OTOA: variants seen among roughly 807,000 people sequenced by gnomAD.
The protein encoded by OTOA is cancer/testis antigen 108.
OTOA carries 70 observed loss-of-function variants against 110.8 expected under a neutral mutation model. The observed-to-expected ratio is 0.63, with a 90% CI of 0.52 to 0.77. The LOEUF (loss-of-function observed/expected upper bound fraction) is 0.77. Ranked by LOEUF, OTOA falls within the 30% of genes least tolerant of loss-of-function variation. The probability of loss-of-function intolerance (pLI) is 0.00; values close to 1 mark genes in which losing one functional copy is unlikely to be tolerated. For missense variants in OTOA, 917 were observed against 1,075.8 expected (o/e 0.85, Z 2.06); for synonymous variants, 373 against 431.5 (o/e 0.86, Z 1.68).
chr16:21,714,385 TTCTC>T (rs1226989693), intron 13 of OTOA, among the ~76,000 whole-genome samples: 4 of 119,292 alleles, frequency 3.4e-5, no homozygotes, highest in African/African-American at 8.8e-5. Context: ...CTTTCTCTCT[TTCTC>T]TCTTTCTTTC....
At chr16:21,673,918 C>A (rs1464445314) in intron 1 of OTOA, among the ~76,000 whole-genome samples, 1 of 152,154 alleles carries the variant, frequency 6.6e-6, no homozygotes, top group Non-Finnish European at 1.5e-5. Flanking sequence ...CTGCCTCAGC[C>A]TCCCAAGTAG....
chr16:21,707,593 T>TTTTCTTTCTTTCTTTCTTTC (rs58214995), intron 12 of OTOA, among the ~76,000 whole-genome samples: 28 of 94,110 alleles, frequency 3.0e-4, no homozygotes, highest in East Asian at 2.4e-3. Flanking sequence ...TTCTCCTTCC[T>TTTTCTTTCTTTCTTTCTTTC]TTTCTTTCTT....
At chr16:21,675,919 T>G (rs1966856778) in intron 1 of OTOA, among the ~76,000 whole-genome samples, 1 of 152,198 alleles carries the variant, frequency 6.6e-6, no homozygotes, top group African/African-American at 2.4e-5. Flanking sequence ...CCTGGTAATT[T>G]TTATTTATTT....
intron 1 of OTOA, among the ~76,000 whole-genome samples, chr16:21,666,174 T>G (rs533070521): frequency 1.3e-5 from 2 of 152,088 alleles, no homozygotes; most frequent in African/African-American, 4.8e-5. Flanking sequence ...CACCAAGCAT[T>G]TGTAATCAGG....
intron 23 of OTOA, among the ~76,000 whole-genome samples, chr16:21,743,126 TA>T (rs1416713160): frequency 7.9e-6 from 1 of 126,840 alleles, no homozygotes; most frequent in African/African-American, 2.8e-5. Context: ...ACAATACACA[TA>T]AAAATACAGT....
intron 1 of OTOA, among the ~76,000 whole-genome samples, chr16:21,669,236 G>A (rs953971821): frequency 1.3e-5 from 2 of 151,902 alleles, no homozygotes; most frequent in African/African-American, 4.8e-5. Context: ...CCAGCTACTC[G>A]GGAGGTTGAG....
rs1208308272 is a variant in OTOA at position 21,687,474 on chromosome 16, G to C, written c.461G>C (p.Gly154Ala). The C allele has an allele frequency of 2.5e-6, 4 of 1,614,048 alleles. No individual in the cohort carries two copies. The South Asian group carries it at 4.4e-5, about 18-fold the overall frequency. ...CGAGAACGAGCCTTGCAGAGCCCTG[G>C]CGTGAACCGCAGCCTGTTTCTCATC... ...EIRERALQSPGVNRSLFLITL... is the reference protein window; with the variant it reads ...EIRERALQSPAVNRSLFLITL... Residue 154 changes from glycine to alanine, a missense_variant, in exon 8 of 29, where the codon GGC becomes GCC. Coordinates refer to ENST00000646100, the MANE Select transcript of OTOA (RefSeq NM_144672.4).
intron 10 of OTOA, 147 bp from the exon 11 acceptor site, chr16:21,700,741 A>G (rs1168900657): frequency 2.1e-6 from 2 of 949,140 alleles, no homozygotes; most frequent in East Asian, 2.6e-5. Flanking sequence ...AAAAAAAAAG[A>G]AAAGAAAAAA....
intron 11 of OTOA, among the ~76,000 whole-genome samples, chr16:21,703,837 T>G (rs1898100883): frequency 6.6e-6 from 1 of 152,166 alleles, no homozygotes; most frequent in Non-Finnish European, 1.5e-5. Context: ...CCAGGATGTA[T>G]GCAAATCAGT....
chr16:21,670,504 C>T (rs1051181774), intron 1 of OTOA, among the ~76,000 whole-genome samples: 3 of 152,058 alleles, frequency 2.0e-5, no homozygotes, highest in African/African-American at 7.2e-5. Flanking sequence ...TTCTTTGGCT[C>T]CTTTTTCCTA....
At chr16:21,711,688 C>T (rs976327645) in intron 13 of OTOA, among the ~76,000 whole-genome samples, 2 of 152,060 alleles carry the variant, frequency 1.3e-5, no homozygotes, top group Non-Finnish European at 2.9e-5. Context: ...AGGCTGGTCT[C>T]GAACTCCAGA....
chr16:21,706,099 CAGAAA>C (rs1267476233), intron 12 of OTOA, among the ~76,000 whole-genome samples: 3 of 151,914 alleles, frequency 2.0e-5, no homozygotes, highest in Non-Finnish European at 4.4e-5. Flanking sequence ...AAAAAAAGAA[CAGAAA>C]AGAAAAGAAA....
chr16:21,707,613 C>CTTTCTTTCTTTCTT lies in OTOA; in HGVS notation c.1105-2273_1105-2260dup, dbSNP rs1597827264. 3.5e-5 allele frequency among the ~76,000 whole-genome samples: 3 copies of CTTTCTTTCTTTCTT among 85,740 alleles called. No individual in the cohort carries two copies. The East Asian group carries it at 9.5e-4, about 27-fold the overall frequency. 56.2% of individuals were successfully genotyped at this position (85,740 alleles called of 152,430 possible). A position where few individuals can be genotyped will look rare whatever the true frequency, so the allele number is the denominator to read the frequency against. The stretch of plus-strand genomic sequence containing the variant: ...CTTCCTTTTCTTTCTTTCTTTCTTT[C>CTTTCTTTCTTTCTT]TTTCTTTCTTTCTTTCTTTCTTTCT... On this transcript the variant is annotated intron_variant, in intron 12 of 28. Transcript: ENST00000646100.
intron 22 of OTOA, among the ~76,000 whole-genome samples, chr16:21,736,908 C>T (rs1186288891): frequency 7.2e-5 from 11 of 152,412 alleles, no homozygotes; most frequent in East Asian, 1.9e-4. Context: ...AGGTTTAATG[C>T]GTGAATATGT....
At chr16:21,708,303 G>A (rs918141572) in intron 12 of OTOA, among the ~76,000 whole-genome samples, 1 of 152,126 alleles carries the variant, frequency 6.6e-6, no homozygotes, top group Non-Finnish European at 1.5e-5. Context: ...GCACAATAGG[G>A]TTTGCTCTTA....
At chr16:21,690,299 C>G (rs1232763608) in intron 8 of OTOA, among the ~76,000 whole-genome samples, 1 of 152,026 alleles carries the variant, frequency 6.6e-6, no homozygotes, top group African/African-American at 2.4e-5. Context: ...ACCTAGGTAT[C>G]AAGCCCAGCA....
intron 24 of OTOA, among the ~76,000 whole-genome samples, chr16:21,749,464 G>T (rs1336084464): frequency 1.4e-5 from 2 of 146,408 alleles, no homozygotes; most frequent in Non-Finnish European, 3.0e-5. Context: ...GGGGGATGGA[G>T]GTTGCAGTAA....
intron 15 of OTOA, among the ~76,000 whole-genome samples, chr16:21,718,585 G>C (rs568166802): frequency 1.3e-5 from 2 of 152,156 alleles, no homozygotes; most frequent in Admixed American, 6.5e-5. Context: ...ACTTGATTGC[G>C]TCTGCAAGTT....
chr16:21,759,735 T>C (rs1900108510), intron 28 of OTOA, among the ~76,000 whole-genome samples: 1 of 152,004 alleles, frequency 6.6e-6, no homozygotes, highest in Non-Finnish European at 1.5e-5. Flanking sequence ...ACCCCGTCTC[T>C]ACTAAAAATG....
Sources: gnomAD v4.1 joint callset for allele counts (sites outside exome capture counted in the v4.1 genomes callset) on GRCh38, gnomAD v4.1.1 for gene constraint, MANE v1.5 for transcripts, NCBI Gene and HGNC (gene_info 2026-07-23, HGNC 2026-07-21) for gene names.